Variants in GALNT14 observed in about 807,000 individuals in gnomAD.
GALNT14 encodes polypeptide N-acetylgalactosaminyltransferase 14, also known as UDP-GalNAc:polypeptide N-acetylgalactosaminyltransferase 14.
A neutral mutation model predicts 77.5 loss-of-function variants in GALNT14; 60 were observed. The ratio of observed to expected loss-of-function variants is 0.77; its 90% CI spans 0.63 to 0.96. GALNT14 has a LOEUF of 0.96. Among genes scored for constraint, GALNT14 ranks in the 40% least tolerant of loss-of-function variants. The probability of loss-of-function intolerance (pLI) is 0.00; values close to 1 mark genes in which losing one functional copy is unlikely to be tolerated. For synonymous variants in GALNT14, 280 were observed against 281.7 expected (o/e 0.99, Z 0.06); for missense variants, 710 against 731.0 (o/e 0.97, Z 0.33).
intron 1 of GALNT14, among the ~76,000 whole-genome samples, chr2:31,038,895 G>A (rs994987553): frequency 6.6e-6 from 1 of 151,942 alleles, no homozygotes; most frequent in Admixed American, 6.6e-5. Context: ...ACAGATGTGT[G>A]CCACTATGCC....
intron 1 of GALNT14, among the ~76,000 whole-genome samples, chr2:31,048,424 T>G (rs533364814): frequency 6.6e-6 from 1 of 152,326 alleles, no homozygotes; most frequent in South Asian, 2.1e-4. Flanking sequence ...AGGGCTCTAC[T>G]TCTTTATTAG....
intron 13 of GALNT14, among the ~76,000 whole-genome samples, chr2:30,923,477 G>A (rs568657320): frequency 6.6e-6 from 1 of 152,294 alleles, no homozygotes; most frequent in South Asian, 2.1e-4. Context: ...GGCAGGGAGG[G>A]GGAGATACTT....
At chr2:30,940,117 T>C (rs1666294038) in intron 9 of GALNT14, among the ~76,000 whole-genome samples, 1 of 152,162 alleles carries the variant, frequency 6.6e-6, no homozygotes, top group African/African-American at 2.4e-5. Flanking sequence ...TTGGCAGTGC[T>C]TTTTTTGTGG....
At chr2:31,073,621 C>G (rs1197535596) in intron 1 of GALNT14, among the ~76,000 whole-genome samples, 1 of 151,584 alleles carries the variant, frequency 6.6e-6, no homozygotes, top group East Asian at 1.9e-4. Flanking sequence ...TAGGGGCCGG[C>G]GGGACTGGGG....
intron 1 of GALNT14, among the ~76,000 whole-genome samples, chr2:31,011,024 G>C (rs567628301): frequency 2.6e-5 from 4 of 152,208 alleles, no homozygotes; most frequent in Non-Finnish European, 5.9e-5. Flanking sequence ...CCTTGGCCTA[G>C]GCCTACAGGA....
chr2:30,930,568 G>C (rs1665665871), intron 10 of GALNT14, among the ~76,000 whole-genome samples: 1 of 152,258 alleles, frequency 6.6e-6, no homozygotes, highest in Non-Finnish European at 1.5e-5. Context: ...AAAGATGTCA[G>C]AAAAGAGTCA....
intron 2 of GALNT14, among the ~76,000 whole-genome samples, chr2:30,974,733 C>T (rs1173418774): frequency 6.6e-6 from 1 of 152,232 alleles, no homozygotes; most frequent in Non-Finnish European, 1.5e-5. Flanking sequence ...CACCCCATTG[C>T]TGTAATTTAT....
chr2:30,889,519 C>G, the GALNT14 span, among the ~76,000 whole-genome samples: 4 of 152,184 alleles, frequency 2.6e-5, no homozygotes, highest in Non-Finnish European at 5.9e-5. Context: ...GTATAGAACC[C>G]CACTGCTTAC....
intron 3 of GALNT14, among the ~76,000 whole-genome samples, chr2:30,962,681 T>A (rs1358889223): frequency 6.6e-6 from 1 of 152,158 alleles, no homozygotes; most frequent in Non-Finnish European, 1.5e-5. Flanking sequence ...TGGCTCTGAG[T>A]TCCCCACGTG....
intron 7 of GALNT14, among the ~76,000 whole-genome samples, chr2:30,945,553 C>A (rs1393188178): frequency 6.6e-6 from 1 of 152,180 alleles, no homozygotes; most frequent in Non-Finnish European, 1.5e-5. Context: ...ATGGGGTGAG[C>A]CCTATCTTAG....
chr2:30,936,247 A>G (rs975206843), intron 9 of GALNT14, among the ~76,000 whole-genome samples: 1 of 151,860 alleles, frequency 6.6e-6, no homozygotes, highest in Non-Finnish European at 1.5e-5. Flanking sequence ...CCAGGGTCCT[A>G]GCCCTTCACC....
intron 1 of GALNT14, among the ~76,000 whole-genome samples, chr2:31,124,759 A>G (rs1231804357): frequency 6.6e-6 from 1 of 152,226 alleles, no homozygotes; most frequent in Non-Finnish European, 1.5e-5. Context: ...GTATGACTGT[A>G]CTGGTAGCAG....
chr2:30,919,595 A>G (rs549559291), intron 13 of GALNT14, among the ~76,000 whole-genome samples: 249 of 149,100 alleles, frequency 1.7e-3, no homozygotes, highest in African/African-American at 5.7e-3. Context: ...TTAAAAACCT[A>G]TGTAGATCTC....
At chr2:31,050,099 C>T (rs1002639825) in intron 1 of GALNT14, among the ~76,000 whole-genome samples, 5 of 152,016 alleles carry the variant, frequency 3.3e-5, no homozygotes, top group Admixed American at 6.6e-5. Flanking sequence ...CAGAGTCCTG[C>T]GCCAAGAAAA....
At chr2:31,085,163 C>T (rs535122492) in intron 1 of GALNT14, among the ~76,000 whole-genome samples, 1 of 152,324 alleles carries the variant, frequency 6.6e-6, no homozygotes, top group South Asian at 2.1e-4. Flanking sequence ...CTGACTCCCC[C>T]ATTAGTGGCA....
At chr2:31,017,496 G>A (rs746567230) in intron 1 of GALNT14, among the ~76,000 whole-genome samples, 16 of 152,116 alleles carry the variant, frequency 1.1e-4, no homozygotes, top group Non-Finnish European at 2.1e-4. Context: ...TACCTGCAGG[G>A]GATCCAGGTT....
At chr2:31,025,391 T>C (rs1040059055) in intron 1 of GALNT14, among the ~76,000 whole-genome samples, 4 of 151,982 alleles carry the variant, frequency 2.6e-5, no homozygotes, top group African/African-American at 4.8e-5. Flanking sequence ...ACACTCCATA[T>C]TATGGAGAGA....
intron 1 of GALNT14, among the ~76,000 whole-genome samples, chr2:31,098,795 T>C (rs1677121160): frequency 6.6e-6 from 1 of 152,154 alleles, no homozygotes; most frequent in Non-Finnish European, 1.5e-5. Context: ...ATGTGTTATA[T>C]GTATTATATA....
chr2:31,072,818 T>C (rs941763758), intron 1 of GALNT14, among the ~76,000 whole-genome samples: 2 of 152,188 alleles, frequency 1.3e-5, no homozygotes, highest in African/African-American at 2.4e-5. Flanking sequence ...TTCCATGACA[T>C]GTGACTTCTC....
Sources: gnomAD v4.1 joint callset for allele counts (sites outside exome capture counted in the v4.1 genomes callset) on GRCh38, gnomAD v4.1.1 for gene constraint, MANE v1.5 for transcripts, NCBI Gene and HGNC (gene_info 2026-07-23, HGNC 2026-07-21) for gene names.